The following PLBD1 variants were observed in gnomAD, a reference collection of about 807,000 sequenced individuals.
PLBD1 encodes the protein lysosomal leucine aminopeptidase.
PLBD1 carries 60 observed loss-of-function variants against 63.0 expected under a neutral mutation model. The observed-to-expected ratio is 0.95, with a 90% CI of 0.77 to 1.18. PLBD1 has a LOEUF of 1.18. Among genes scored for constraint, PLBD1 ranks in the 50% most tolerant of loss-of-function variants. The pLI is 0.00. For missense variants in PLBD1, 598 were observed against 677.9 expected (o/e 0.88, Z 1.31); for synonymous variants, 262 against 248.0 (o/e 1.06, Z -0.53).
At chr12:14,561,311 A>C (rs1431631401) in intron 1 of PLBD1, among the ~76,000 whole-genome samples, 1 of 152,040 alleles carries the variant, frequency 6.6e-6, no homozygotes, top group African/African-American at 2.4e-5. Flanking sequence ...TGTCACTGGC[A>C]GCTGAAATCA....
chr12:14,554,603 C>T (rs1478227063), intron 1 of PLBD1, among the ~76,000 whole-genome samples: 1 of 152,012 alleles, frequency 6.6e-6, no homozygotes, highest in African/African-American at 2.4e-5. Flanking sequence ...GCACTCACAC[C>T]CTGCACTTCC....
intron 1 of PLBD1, among the ~76,000 whole-genome samples, chr12:14,560,990 A>C (rs543012698): frequency 6.6e-6 from 1 of 152,016 alleles, no homozygotes; most frequent in East Asian, 1.9e-4. Context: ...CCCTCACTCC[A>C]TGTCTGCATG....
intron 8 of PLBD1, among the ~76,000 whole-genome samples, chr12:14,507,959 C>T (rs1945268822): frequency 6.6e-6 from 1 of 152,204 alleles, no homozygotes; most frequent in Non-Finnish European, 1.5e-5. Context: ...GGTTCTCTCC[C>T]ACCTCCACAT....
chr12:14,506,944 A>T lies in PLBD1; in HGVS notation c.1361T>A (p.Met454Lys). 1 of 1,614,084 alleles carries T rather than the reference A, an allele frequency of 6.2e-7. No homozygotes were observed. Among genetic ancestry groups the T allele is most frequent in the Non-Finnish European group, 8.5e-7 (1 of 1,179,938 alleles). The change falls in exon 9 of 11, where the codon ATG becomes AAG. Residue 454 changes from methionine to lysine, a missense_variant. Met to Lys is a moderately conservative substitution (Grantham distance 95). Transcript: ENST00000240617. The stretch of plus-strand genomic sequence containing the variant: ...AATATGCTACGTACTGTTGTATCGC[A>T]TGATATATTTCATGGATGCCGTATC... ...VTDTASMKYIMRYNNYKKDPY... is the reference protein window; with the variant it reads ...VTDTASMKYIKRYNNYKKDPY...
At chr12:14,504,216 A>G (rs1236350214) in intron 10 of PLBD1, among the ~76,000 whole-genome samples, 1 of 151,952 alleles carries the variant, frequency 6.6e-6, no homozygotes, top group East Asian at 1.9e-4. Flanking sequence ...CACCCAGGTA[A>G]TTTTTATATT....
chr12:14,539,143 GT>G (rs1267154538), intron 4 of PLBD1, among the ~76,000 whole-genome samples: 3 of 152,076 alleles, frequency 2.0e-5, no homozygotes, highest in African/African-American at 7.2e-5. Context: ...CATTTCTTTT[GT>G]TATACTGTAT....
rs766356674 is a variant in PLBD1, at chr12:14,503,758, G to A, written c.*14C>T. 20 of 1,604,592 alleles carry A rather than the reference G, an allele frequency of 1.2e-5. No individual in the cohort carries two copies. The highest frequency in any genetic ancestry group is 4.5e-5 in the East Asian group (2 of 44,780). On this transcript the variant is annotated 3_prime_UTR_variant, in exon 11 of 11. Transcript: ENST00000240617. Reference sequence around the variant, plus strand: ...TATCTTATTTACAGTCTTCTAGTCCGTCATCTCCCTCCTTCATTTTATATC... The same window carrying A: ...TATCTTATTTACAGTCTTCTAGTCCATCATCTCCCTCCTTCATTTTATATC...
chr12:14,533,793 T>G (rs1945487669), intron 6 of PLBD1, among the ~76,000 whole-genome samples: 1 of 152,162 alleles, frequency 6.6e-6, no homozygotes, highest in African/African-American at 2.4e-5. Context: ...CAAATTGGTT[T>G]CAAAGAAAGG....
chr12:14,567,439 G>T (rs1394041153), intron 1 of PLBD1, 143 bp downstream of exon 1: 3 of 1,206,954 alleles, frequency 2.5e-6, no homozygotes, highest in Non-Finnish European at 3.3e-6. Context: ...GAGCGAGACC[G>T]CCGGCCGGAG....
intron 1 of PLBD1, 145 bp from the exon 2 acceptor site, chr12:14,553,557 C>T (rs531214421): frequency 2.8e-6 from 2 of 721,478 alleles, no homozygotes; most frequent in African/African-American, 1.8e-5. Context: ...ACAGTTTGCC[C>T]TTAATTCCAA....
chr12:14,504,101 G>A, intron 10 of PLBD1, 147 bp from the exon 11 acceptor site: 1 of 721,174 alleles, frequency 1.4e-6, no homozygotes, highest in East Asian at 2.8e-5. Flanking sequence ...CCAGACTGGA[G>A]TACAGTGGCA....
chr12:14,564,473 G>A (rs1486461894), intron 1 of PLBD1, among the ~76,000 whole-genome samples: 1 of 152,212 alleles, frequency 6.6e-6, no homozygotes, highest in Non-Finnish European at 1.5e-5. Flanking sequence ...TGACTCAAGT[G>A]TATGATGCCT....
At chr12:14,562,068 G>A (rs779156798) in intron 1 of PLBD1, among the ~76,000 whole-genome samples, 1 of 152,228 alleles carries the variant, frequency 6.6e-6, no homozygotes, top group Non-Finnish European at 1.5e-5. Context: ...ATGCAAGGCA[G>A]ATGGACAAAT....
rs150267761 is a variant in PLBD1 at position 14,507,109 on chromosome 12, G to A, written c.1196C>T (p.Pro399Leu). ...TTCATGGAAAGGAACATTGTAGGAG[G>A]GCCAATATCCTGATTTGGAATGGAA... is the stretch of plus-strand genomic sequence containing the variant. ...QTDVLRKGYW[P>L]SYNVPFHEKI... The change falls in exon 9 of 11, where the codon CCC (proline) becomes CTC (leucine). Residue 399 changes from proline to leucine, a missense_variant. By Grantham distance (98) the Pro-to-Leu change is moderately conservative. Coordinates refer to ENST00000240617, the MANE Select transcript of PLBD1 (RefSeq NM_024829.6). 5.5e-5 allele frequency: 88 copies of A among 1,605,318 alleles called. No homozygotes were observed. The African/African-American group carries it at 8.4e-4, about 15-fold the overall frequency.
chr12:14,535,465 C>T (rs886943555), intron 6 of PLBD1, among the ~76,000 whole-genome samples, 194 bp downstream of exon 6: 4 of 152,172 alleles, frequency 2.6e-5, no homozygotes, highest in Non-Finnish European at 4.4e-5. Context: ...ATTCTAGTAA[C>T]CTTGTTTATG....
intron 2 of PLBD1, among the ~76,000 whole-genome samples, chr12:14,547,491 T>G (rs1945624636): frequency 6.6e-6 from 1 of 152,142 alleles, no homozygotes; most frequent in African/African-American, 2.4e-5. Flanking sequence ...CTAAGCTATA[T>G]CTTACTAAAA....
intron 1 of PLBD1, among the ~76,000 whole-genome samples, chr12:14,566,348 C>T (rs1945781317): frequency 6.6e-6 from 1 of 152,088 alleles, no homozygotes; most frequent in South Asian, 2.1e-4. Context: ...AACGAAGGCT[C>T]TTGATGATGG....
intron 1 of PLBD1, 180 bp from the exon 2 acceptor site, chr12:14,553,592 C>G: frequency 1.6e-6 from 1 of 625,914 alleles, no homozygotes; most frequent in Non-Finnish European, 2.8e-6. Context: ...GAATCCCAAT[C>G]AAGGGGGATA....
intron 1 of PLBD1, among the ~76,000 whole-genome samples, chr12:14,555,372 T>C (rs936461451): frequency 3.9e-5 from 6 of 152,108 alleles, no homozygotes; most frequent in Non-Finnish European, 8.8e-5. Context: ...ACCTCGTCTC[T>C]ACTAAAAGTA....
Sources: gnomAD v4.1 joint callset for allele counts (sites outside exome capture counted in the v4.1 genomes callset) on GRCh38, gnomAD v4.1.1 for gene constraint, MANE v1.5 for transcripts, NCBI Gene and HGNC (gene_info 2026-07-23, HGNC 2026-07-21) for gene names.